Variants in STEAP1B observed in about 807,000 individuals in gnomAD.
STEAP1B encodes the protein STEAP family member 1B, also known as STEAP family protein MGC87042.
STEAP1B carries 13 observed loss-of-function variants against 27.9 expected under a neutral mutation model. That is an observed-to-expected ratio of 0.47 (90% CI 0.30 to 0.74). The LOEUF (loss-of-function observed/expected upper bound fraction) is 0.74. Ranked by LOEUF, STEAP1B falls within the 30% of genes least tolerant of loss-of-function variation. STEAP1B has a pLI of 0.06. For missense variants in STEAP1B, 250 were observed against 298.7 expected (o/e 0.84, Z 1.20); for synonymous variants, 86 against 107.1 (o/e 0.80, Z 1.22).
At chr7:22,423,764 C>T (rs1159932831) in intron 4 of STEAP1B, among the ~76,000 whole-genome samples, 1 of 152,192 alleles carries the variant, frequency 6.6e-6, no homozygotes, top group Non-Finnish European at 1.5e-5. Flanking sequence ...CACAGTGTTT[C>T]ACACTTGTAA....
At chr7:22,426,549 G>T (rs1456503641) in intron 4 of STEAP1B, among the ~76,000 whole-genome samples, 1 of 152,164 alleles carries the variant, frequency 6.6e-6, no homozygotes, top group Non-Finnish European at 1.5e-5. Context: ...ACTACCTACA[G>T]CTTCAGGGAA....
chr7:22,488,580 G>A (rs371777546), intron 4 of STEAP1B, among the ~76,000 whole-genome samples: 2 of 152,264 alleles, frequency 1.3e-5, no homozygotes, highest in East Asian at 3.9e-4. Context: ...AGACCCAGTG[G>A]GGAATTTAAA....
At chr7:22,444,022 G>A (rs544203369) in intron 4 of STEAP1B, among the ~76,000 whole-genome samples, 142 of 152,330 alleles carry the variant, frequency 9.3e-4, no homozygotes, top group African/African-American at 3.2e-3. Flanking sequence ...GGAAGCCAGA[G>A]ACCACCACAG....
At chr7:22,430,794 G>A (rs557201140) in intron 4 of STEAP1B, among the ~76,000 whole-genome samples, 5 of 152,290 alleles carry the variant, frequency 3.3e-5, no homozygotes, top group East Asian at 1.9e-4. Context: ...TTCTAAGCCC[G>A]TCAGACAGAC....
At chr7:22,493,077 G>C (rs955338480) in intron 3 of STEAP1B, among the ~76,000 whole-genome samples, 1 of 152,158 alleles carries the variant, frequency 6.6e-6, no homozygotes, top group African/African-American at 2.4e-5. Flanking sequence ...ATATGGCCTT[G>C]TCCATGAACA....
chr7:22,438,357 T>C (rs1785280946), intron 4 of STEAP1B: 1 of 1,063,894 alleles, frequency 9.4e-7, no homozygotes, highest in Non-Finnish European at 1.3e-6. Flanking sequence ...ATACTGTTAG[T>C]GAAGATTGCA....
Position 22,442,416 on chromosome 7 carries a change from G to C in STEAP1B, c.763-22580C>G, listed in dbSNP as rs141763101. The stretch of plus-strand genomic sequence containing the variant: ...CTGTTTACTCAGCCACTAAAAACCG[G>C]ATACTCTCTTTGGCTAAAACCAGGA... On this transcript the variant is annotated intron_variant, in intron 4 of 4. Transcript: ENST00000678116. Among the ~76,000 whole-genome samples the C allele has an allele frequency of 3.9e-5, 6 of 152,362 alleles. No individual in the cohort carries two copies. The East Asian group carries it at 1.2e-3, about 29-fold the overall frequency.
chr7:22,492,214 G>T (rs1786335440), intron 4 of STEAP1B, among the ~76,000 whole-genome samples: 1 of 149,916 alleles, frequency 6.7e-6, no homozygotes, highest in Admixed American at 6.7e-5. Flanking sequence ...AGCTACTCAG[G>T]AGGCTGAGGC....
intron 4 of STEAP1B, among the ~76,000 whole-genome samples, chr7:22,448,759 T>C (rs577483411): frequency 6.6e-6 from 1 of 152,296 alleles, no homozygotes; most frequent in East Asian, 1.9e-4. Flanking sequence ...CCAATCTTAT[T>C]AGGAAAGAGT....
At chr7:22,422,615 T>C (rs1220127406) in intron 4 of STEAP1B, among the ~76,000 whole-genome samples, 4 of 152,078 alleles carry the variant, frequency 2.6e-5, no homozygotes, top group African/African-American at 9.7e-5. Context: ...TGCCTCAGCC[T>C]CCCGAGTAGC....
At chr7:22,484,947 C>T (rs1295602563) in intron 4 of STEAP1B, among the ~76,000 whole-genome samples, 1 of 152,214 alleles carries the variant, frequency 6.6e-6, no homozygotes, top group Admixed American at 6.5e-5. Flanking sequence ...CAGCCTGAAG[C>T]TGTGACTGAG....
chr7:22,496,710 G>GT (rs1381861524), intron 1 of STEAP1B, among the ~76,000 whole-genome samples: 1 of 152,166 alleles, frequency 6.6e-6, no homozygotes, highest in African/African-American at 2.4e-5. Context: ...GCCTAAGTAT[G>GT]TAGGAGGCTG....
intron 1 of STEAP1B, among the ~76,000 whole-genome samples, chr7:22,499,890 C>T (rs1786506077): frequency 6.6e-6 from 1 of 152,240 alleles, no homozygotes; most frequent in Non-Finnish European, 1.5e-5. Context: ...CCCCAGCCCC[C>T]GGCCCGGCCA....
intron 4 of STEAP1B, among the ~76,000 whole-genome samples, chr7:22,473,765 C>T (rs1270559996): frequency 6.6e-6 from 1 of 152,124 alleles, no homozygotes; most frequent in Admixed American, 6.5e-5. Context: ...TGCATCACTC[C>T]AGGCTAGAGG....
At chr7:22,468,770 T>A (rs1241447802) in intron 4 of STEAP1B, among the ~76,000 whole-genome samples, 1 of 152,212 alleles carries the variant, frequency 6.6e-6, no homozygotes, top group East Asian at 1.9e-4. Context: ...CATGAGATTA[T>A]AATGGAGCTG....
intron 4 of STEAP1B, among the ~76,000 whole-genome samples, chr7:22,455,389 T>C (rs1785562125): frequency 6.6e-6 from 1 of 152,226 alleles, no homozygotes; most frequent in South Asian, 2.1e-4. Context: ...TTGCCAATAC[T>C]TGATATTGTC....
At chr7:22,454,991 T>A (rs1203174589) in intron 4 of STEAP1B, among the ~76,000 whole-genome samples, 2 of 151,402 alleles carry the variant, frequency 1.3e-5, no homozygotes, top group Non-Finnish European at 2.9e-5. Flanking sequence ...GCCTCTCGAG[T>A]AGCTGGGACT....
chr7:22,498,263 G>A (rs1038508513), intron 1 of STEAP1B, among the ~76,000 whole-genome samples: 1 of 152,100 alleles, frequency 6.6e-6, no homozygotes, highest in Non-Finnish European at 1.5e-5. Context: ...GTTAAACCAT[G>A]AGAAACTGCT....
intron 4 of STEAP1B, among the ~76,000 whole-genome samples, chr7:22,453,921 C>A (rs1010211572): frequency 6.6e-6 from 1 of 152,206 alleles, no homozygotes; most frequent in African/African-American, 2.4e-5. Context: ...TATGAATATA[C>A]AGCAATGTAT....
Sources: gnomAD v4.1 joint callset for allele counts (sites outside exome capture counted in the v4.1 genomes callset) on GRCh38, gnomAD v4.1.1 for gene constraint, MANE v1.5 for transcripts, NCBI Gene and HGNC (gene_info 2026-07-23, HGNC 2026-07-21) for gene names.